The following PDE4D variants were observed in gnomAD, a reference collection of about 807,000 sequenced individuals.
PDE4D encodes 3',5'-cyclic-AMP phosphodiesterase 4D.
Under a neutral mutation model 87.4 loss-of-function variants are expected in PDE4D, and 24 were observed. That is an observed-to-expected ratio of 0.27 (90% confidence interval 0.20 to 0.39). The LOEUF (loss-of-function observed/expected upper bound fraction) is 0.39. Among genes scored for constraint, PDE4D ranks in the 10% least tolerant of loss-of-function variants. PDE4D has a pLI of 1.00. For missense variants in PDE4D, 714 were observed against 1,041.0 expected (o/e 0.69, Z 4.32); for synonymous variants, 384 against 383.2 (o/e 1.00, Z -0.02).
chr5:59,671,439 T>C (rs141923566), intron 1 of PDE4D, among the ~76,000 whole-genome samples: 15 of 152,224 alleles, frequency 9.9e-5, no homozygotes, highest in Non-Finnish European at 1.5e-4. Flanking sequence ...TAGGAGTTAA[T>C]AAAGAAAACA....
At chr5:59,290,943 A>G (rs950214737) in intron 1 of PDE4D, among the ~76,000 whole-genome samples, 1 of 152,062 alleles carries the variant, frequency 6.6e-6, no homozygotes, top group Admixed American at 6.6e-5. Context: ...AATGCTGGTG[A>G]GGATGTAAAG....
intron 2 of PDE4D, among the ~76,000 whole-genome samples, chr5:60,142,904 A>G (rs1780662907): frequency 6.6e-6 from 1 of 152,200 alleles, no homozygotes; most frequent in African/African-American, 2.4e-5. Flanking sequence ...AAATGGACAA[A>G]TGATGAAGGT....
At chr5:60,077,209 G>A (rs1241958281) in intron 2 of PDE4D, among the ~76,000 whole-genome samples, 1 of 152,222 alleles carries the variant, frequency 6.6e-6, no homozygotes, top group African/African-American at 2.4e-5. Flanking sequence ...GTTTAGTGGG[G>A]TGTTGGCAAC....
intron 1 of PDE4D, among the ~76,000 whole-genome samples, chr5:59,240,346 T>C (rs748512600): frequency 2.6e-5 from 4 of 152,174 alleles, no homozygotes; most frequent in Non-Finnish European, 5.9e-5. Flanking sequence ...TTGAATAGCA[T>C]ATTGCAATTG....
intron 1 of PDE4D, among the ~76,000 whole-genome samples, chr5:60,279,425 C>G (rs765726947): frequency 6.6e-6 from 1 of 152,098 alleles, no homozygotes; most frequent in Admixed American, 6.6e-5. Flanking sequence ...CTGACACTAT[C>G]CCAGTGTGGA....
At chr5:59,689,112 G>C (rs891976850) in intron 1 of PDE4D, among the ~76,000 whole-genome samples, 6 of 152,050 alleles carry the variant, frequency 3.9e-5, no homozygotes, top group African/African-American at 1.2e-4. Flanking sequence ...CAGGACCAGA[G>C]GGATTCACAG....
At chr5:60,316,191 G>A (rs1337231033) in intron 1 of PDE4D, among the ~76,000 whole-genome samples, 1 of 152,152 alleles carries the variant, frequency 6.6e-6, no homozygotes, top group Non-Finnish European at 1.5e-5. Context: ...TCTCCTTGAA[G>A]AGGTCCTTCA....
At chr5:59,897,258 CA>C (rs1254643497), upstream of PDE4D, among the ~76,000 whole-genome samples, 2 of 152,108 alleles carry the variant, frequency 1.3e-5, no homozygotes, top group African/African-American at 2.4e-5. Flanking sequence ...TACAATCAAT[CA>C]CTCAATGTGC....
Position 59,044,527 on chromosome 5 carries a change from T to C in PDE4D, c.809-5556A>G, listed in dbSNP as rs144050374. On this transcript the variant is annotated intron_variant, in intron 5 of 14. Coordinates refer to ENST00000340635, the MANE Select transcript of PDE4D (RefSeq NM_001104631.2). ...CCGTGTATTGCTTTGAGCTAGTCAT[T>C]CCTTTAGTTTGCTACAGTAAAAGAT... is the stretch of plus-strand genomic sequence containing the variant. 7.8e-3 allele frequency among the ~76,000 whole-genome samples: 1,191 copies of C among 152,350 alleles called. 18 individuals carry two copies. The highest frequency in any genetic ancestry group is 0.027 in the African/African-American group (1,109 of 41,576).
intron 1 of PDE4D, among the ~76,000 whole-genome samples, chr5:59,485,707 A>G (rs902003167): frequency 6.6e-6 from 1 of 152,172 alleles, no homozygotes; most frequent in African/African-American, 2.4e-5. Context: ...AAATCTCTAA[A>G]TGCTTTCATT....
intron 1 of PDE4D, among the ~76,000 whole-genome samples, chr5:60,517,246 T>TAA (rs903348749): frequency 1.3e-5 from 2 of 152,194 alleles, no homozygotes; most frequent in Admixed American, 1.3e-4. Context: ...AAGGGGGAGC[T>TAA]GAGAGTGGCT....
At chr5:59,948,162 T>G (rs895803038) in intron 3 of PDE4D, among the ~76,000 whole-genome samples, 3 of 152,196 alleles carry the variant, frequency 2.0e-5, no homozygotes, top group Non-Finnish European at 4.4e-5. Flanking sequence ...TGGAGCTCCT[T>G]TATATAAAAG....
chr5:60,072,309 CT>C (rs1038686038), intron 2 of PDE4D, among the ~76,000 whole-genome samples: 7 of 151,952 alleles, frequency 4.6e-5, no homozygotes, highest in Non-Finnish European at 1.0e-4. Flanking sequence ...GCTGCACGTA[CT>C]TTTTTTGCAA....
chr5:59,931,790 C>T (rs1424965589), intron 3 of PDE4D, among the ~76,000 whole-genome samples: 1 of 151,748 alleles, frequency 6.6e-6, no homozygotes, highest in Admixed American at 6.6e-5. Flanking sequence ...CAAGCTCCGC[C>T]TCCCAGGTTC....
chr5:60,348,425 A>C (rs1758907894), intron 1 of PDE4D, among the ~76,000 whole-genome samples: 1 of 151,966 alleles, frequency 6.6e-6, no homozygotes, highest in East Asian at 1.9e-4. Context: ...TGAACCAGTA[A>C]ATCTACCTCT....
rs557576567 is a variant in PDE4D, at chr5:60,382,674, C to T, written c.-90+105268G>A. On this transcript the variant is annotated intron_variant, in intron 1 of 16. Coordinates refer to the PDE4D transcript ENST00000502484. ...AGGCAGCCCCCCAAGTTTATGACCT[C>T]AGGTACTTCTTACTGAAGTTTTAGA... 7.2e-5 allele frequency among the ~76,000 whole-genome samples: 11 copies of T among 152,292 alleles called. No homozygotes were observed. The South Asian group carries it at 2.3e-3, about 32-fold the overall frequency.
chr5:60,453,388 CAT>C (rs1434436204), intron 1 of PDE4D, among the ~76,000 whole-genome samples: 1 of 152,066 alleles, frequency 6.6e-6, no homozygotes, highest in African/African-American at 2.4e-5. Flanking sequence ...TTTCAACACA[CAT>C]GAGAACTTCA....
chr5:59,978,419 G>A (rs756330183), intron 3 of PDE4D, among the ~76,000 whole-genome samples: 1 of 152,188 alleles, frequency 6.6e-6, no homozygotes. Flanking sequence ...AGATGTGCTG[G>A]AAATTGCAAG....
chr5:59,606,151 A>T (rs1828172019), intron 1 of PDE4D, among the ~76,000 whole-genome samples: 1 of 152,036 alleles, frequency 6.6e-6, no homozygotes, highest in South Asian at 2.1e-4. Flanking sequence ...ACACCCTTTC[A>T]TCTATGTGAA....
Sources: allele counts gnomAD v4.1 joint callset (sites outside exome capture counted in the v4.1 genomes callset), GRCh38; gene constraint gnomAD v4.1.1; transcripts MANE v1.5; gene names NCBI Gene and HGNC (gene_info 2026-07-23, HGNC 2026-07-21).